The following PDE4B variants were observed in gnomAD, a reference collection of about 807,000 sequenced individuals.
PDE4B encodes the protein phosphodiesterase 4B.
A neutral mutation model predicts 82.2 loss-of-function variants in PDE4B; 20 were observed. That is an observed-to-expected ratio of 0.24 (90% confidence interval 0.17 to 0.35). The LOEUF is 0.35. PDE4B is among the 10% of genes least tolerant of loss of function. The pLI is 1.00. For synonymous variants in PDE4B, 320 were observed against 318.9 expected (o/e 1.00, Z -0.04); for missense variants, 655 against 907.2 (o/e 0.72, Z 3.57).
intron 3 of PDE4B, among the ~76,000 whole-genome samples, chr1:66,207,766 T>C (rs1649671823): frequency 6.6e-6 from 1 of 152,206 alleles, no homozygotes; most frequent in Non-Finnish European, 1.5e-5. Context: ...CCTCACACAA[T>C]GAAGCCAGGC....
chr1:66,123,340 T>C (rs1645751353), intron 3 of PDE4B, among the ~76,000 whole-genome samples: 2 of 152,220 alleles, frequency 1.3e-5, no homozygotes, highest in African/African-American at 2.4e-5. Flanking sequence ...CCCTCCACAG[T>C]AGCTTTTATG....
chr1:66,031,687 T>C (rs1653785051), intron 3 of PDE4B, among the ~76,000 whole-genome samples: 2 of 152,210 alleles, frequency 1.3e-5, no homozygotes, highest in South Asian at 2.1e-4. Flanking sequence ...GAACCCCATA[T>C]GGTTCTGGTG....
At chr1:65,974,380 AT>A (rs1490402055) in intron 3 of PDE4B, among the ~76,000 whole-genome samples, 2 of 152,182 alleles carry the variant, frequency 1.3e-5, no homozygotes, top group Non-Finnish European at 2.9e-5. Flanking sequence ...CTAAAGCTGC[AT>A]TTTTAAGTTG....
intron 7 of PDE4B, 105 bp downstream of exon 7, chr1:66,266,192 G>A (rs1308724413): frequency 1.2e-5 from 11 of 921,200 alleles, no homozygotes; most frequent in African/African-American, 3.3e-5. Context: ...TGCATATTGT[G>A]GCTCTCAAAA....
intron 1 of PDE4B, among the ~76,000 whole-genome samples, chr1:65,849,590 G>A (rs1301022808): frequency 6.6e-6 from 1 of 152,076 alleles, no homozygotes; most frequent in Non-Finnish European, 1.5e-5. Flanking sequence ...CACTCTATGG[G>A]CCCGGGAGGA....
chr1:65,894,018 G>T (rs1245054559), intron 1 of PDE4B, among the ~76,000 whole-genome samples: 1 of 152,036 alleles, frequency 6.6e-6, no homozygotes, highest in Non-Finnish European at 1.5e-5. Context: ...GGGGGTACCA[G>T]ATAAAAGACT....
intron 1 of PDE4B, among the ~76,000 whole-genome samples, chr1:65,854,108 C>A (rs898280267): frequency 6.6e-6 from 1 of 151,912 alleles, no homozygotes; most frequent in African/African-American, 2.4e-5. Context: ...TAACATTATA[C>A]CTCTTCACAC....
chr1:66,216,273 A>G (rs1336948015), intron 3 of PDE4B, among the ~76,000 whole-genome samples: 1 of 151,714 alleles, frequency 6.6e-6, no homozygotes, highest in Non-Finnish European at 1.5e-5. Context: ...TAGGTTAAGT[A>G]AAGCAGTTTG....
At chr1:66,139,811 T>A (rs1646136557) in intron 3 of PDE4B, among the ~76,000 whole-genome samples, 1 of 150,738 alleles carries the variant, frequency 6.6e-6, no homozygotes, top group Non-Finnish European at 1.5e-5. Context: ...CAGAGCCAGG[T>A]ATCTGCTGAC....
intron 1 of PDE4B, among the ~76,000 whole-genome samples, chr1:65,804,071 A>G (rs1311612063): frequency 6.6e-6 from 1 of 152,162 alleles, no homozygotes; most frequent in Non-Finnish European, 1.5e-5. Context: ...TTTAAACTAC[A>G]TCATTTTCCT....
intron 1 of PDE4B, among the ~76,000 whole-genome samples, chr1:65,882,927 T>C (rs1272431368): frequency 6.6e-6 from 1 of 152,182 alleles, no homozygotes; most frequent in East Asian, 1.9e-4. Flanking sequence ...TTAGAGGCCA[T>C]AAAAGTGGAA....
intron 3 of PDE4B, among the ~76,000 whole-genome samples, chr1:66,127,176 A>G (rs766405008): frequency 4.6e-5 from 7 of 152,178 alleles, no homozygotes; most frequent in Non-Finnish European, 4.4e-5. Flanking sequence ...CTTAGTTTTT[A>G]AGATTGTACT....
intron 3 of PDE4B, among the ~76,000 whole-genome samples, chr1:66,087,798 C>T (rs1657088679): frequency 7.1e-6 from 1 of 141,414 alleles, no homozygotes; most frequent in Non-Finnish European, 1.5e-5. Flanking sequence ...TATTCTCACT[C>T]AAAGGTGGGA....
intron 3 of PDE4B, among the ~76,000 whole-genome samples, chr1:65,944,234 G>A (rs546267772): frequency 5.3e-5 from 8 of 151,702 alleles, no homozygotes; most frequent in African/African-American, 1.7e-4. Context: ...TTTCTGTATC[G>A]AGAGGATCAT....
chr1:66,134,014 G>C (rs1432859264), intron 3 of PDE4B, among the ~76,000 whole-genome samples: 5 of 147,026 alleles, frequency 3.4e-5, no homozygotes, highest in Non-Finnish European at 7.4e-5. Context: ...TGCATAGGTT[G>C]CTATCTCAAA....
intron 3 of PDE4B, among the ~76,000 whole-genome samples, chr1:65,920,978 T>G (rs983862776): frequency 7.2e-6 from 1 of 138,618 alleles, no homozygotes; most frequent in African/African-American, 2.7e-5. Context: ...TTTTTTTTTT[T>G]TTTTTTTTGA....
intron 3 of PDE4B, among the ~76,000 whole-genome samples, chr1:66,090,359 A>G (rs1196990746): frequency 1.3e-5 from 2 of 151,996 alleles, no homozygotes; most frequent in East Asian, 3.9e-4. Flanking sequence ...ATAGATTTAT[A>G]AATACATCAA....
At chr1:65,875,044 C>A (rs1646622631) in intron 1 of PDE4B, among the ~76,000 whole-genome samples, 1 of 150,432 alleles carries the variant, frequency 6.6e-6, no homozygotes, top group Admixed American at 6.6e-5. Flanking sequence ...TTTTCGCAAC[C>A]TACTCATCTG....
At chr1:65,989,075 TATA>T (rs1278794726) in intron 3 of PDE4B, among the ~76,000 whole-genome samples, 14 of 152,328 alleles carry the variant, frequency 9.2e-5, no homozygotes, top group African/African-American at 2.6e-4. Context: ...CCACAATATT[TATA>T]ATAAGTAATG....
Sources: allele counts gnomAD v4.1 joint callset (sites outside exome capture counted in the v4.1 genomes callset), GRCh38; gene constraint gnomAD v4.1.1; transcripts MANE v1.5; gene names NCBI Gene and HGNC (gene_info 2026-07-23, HGNC 2026-07-21).